Variants in HDAC4 observed in about 807,000 individuals in gnomAD.
HDAC4 encodes histone deacetylase A.
A neutral mutation model predicts 135.1 loss-of-function variants in HDAC4; 16 were observed. The ratio of observed to expected loss-of-function variants is 0.12; its 90% CI spans 0.08 to 0.18. HDAC4 has a LOEUF of 0.18. Among genes scored for constraint, HDAC4 ranks in the 10% least tolerant of loss-of-function variants. The pLI is 1.00. For missense variants in HDAC4, 1,143 were observed against 1,511.8 expected, an observed-to-expected ratio of 0.76 and a Z score of 4.05; for synonymous variants, 685 against 653.4, an observed-to-expected ratio of 1.05 and a Z score of -0.74.
intron 3 of HDAC4, among the ~76,000 whole-genome samples, chr2:239,204,837 A>C (rs538042038): frequency 3.3e-5 from 5 of 152,114 alleles, no homozygotes; most frequent in Admixed American, 1.3e-4. Context: ...GGGGCCTCTG[A>C]TGGCCCCTTC....
intron 1 of HDAC4, among the ~76,000 whole-genome samples, chr2:239,394,209 C>T (rs1696416135): frequency 6.6e-6 from 1 of 152,154 alleles, no homozygotes. Flanking sequence ...ATCAATCCAG[C>T]AAAAGCACTT....
chr2:239,377,133 G>T (rs1019030698), intron 1 of HDAC4, among the ~76,000 whole-genome samples: 3 of 152,124 alleles, frequency 2.0e-5, no homozygotes, highest in African/African-American at 4.8e-5. Flanking sequence ...AAGCCGGGGT[G>T]GGCTGCGCTC....
At chr2:239,182,817 G>C (rs934425632) in intron 4 of HDAC4, among the ~76,000 whole-genome samples, 1 of 152,198 alleles carries the variant, frequency 6.6e-6, no homozygotes, top group Non-Finnish European at 1.5e-5. Context: ...CACAAGGGAA[G>C]ATGGCCATTT....
intron 1 of HDAC4, among the ~76,000 whole-genome samples, chr2:239,360,653 G>C (rs551216211): frequency 6.6e-6 from 1 of 152,264 alleles, no homozygotes; most frequent in Admixed American, 6.5e-5. Context: ...AGCTCCACCT[G>C]GTCCCTTAGG....
chr2:239,108,188 G>T lies in HDAC4; in HGVS notation c.1979-5C>A. On this transcript the variant is annotated splice_polypyrimidine_tract_variant and splice_region_variant and intron_variant, in intron 14 of 26. Transcript: ENST00000543185. ...TCAGCGTGTCATACACGAGGCCTGGGGCGGGGCAGAGGGGCCAAGATCAGC... is the reference window on the plus strand; with the variant it reads ...TCAGCGTGTCATACACGAGGCCTGGTGCGGGGCAGAGGGGCCAAGATCAGC... 1 of 1,595,974 alleles carries T rather than the reference G, an allele frequency of 6.3e-7. No individual in the cohort carries two copies. The highest frequency in any genetic ancestry group is 8.5e-7 in the Non-Finnish European group (1 of 1,172,618).
chr2:239,221,238 T>A (rs985595123), intron 3 of HDAC4, among the ~76,000 whole-genome samples: 10 of 152,110 alleles, frequency 6.6e-5, no homozygotes, highest in Non-Finnish European at 1.3e-4. Flanking sequence ...ATCGGCCCGT[T>A]CTCTGACATA....
At chr2:239,337,561 T>G (rs974504429) in intron 2 of HDAC4, among the ~76,000 whole-genome samples, 1 of 152,232 alleles carries the variant, frequency 6.6e-6, no homozygotes, top group Non-Finnish European at 1.5e-5. Context: ...ATTATAGCGA[T>G]GAGCAACCGA....
At chr2:239,317,339 T>C (rs905100152) in intron 2 of HDAC4, among the ~76,000 whole-genome samples, 2 of 151,902 alleles carry the variant, frequency 1.3e-5, no homozygotes, top group Non-Finnish European at 2.9e-5. Flanking sequence ...CAGGGGCCGA[T>C]CTACACACAT....
chr2:239,292,144 G>A (rs754447704), intron 2 of HDAC4, among the ~76,000 whole-genome samples: 2 of 152,212 alleles, frequency 1.3e-5, no homozygotes, highest in Non-Finnish European at 1.5e-5. Flanking sequence ...GCAGGCAAGG[G>A]GACGGCCAGG....
intron 2 of HDAC4, among the ~76,000 whole-genome samples, chr2:239,266,751 C>T (rs2049755535): frequency 6.6e-6 from 1 of 151,578 alleles, no homozygotes; most frequent in African/African-American, 2.4e-5. Flanking sequence ...CCAAAGGGGA[C>T]TGTGAGCTTG....
chr2:239,305,459 C>G (rs2052526647), intron 2 of HDAC4: 1 of 152,654 alleles, frequency 6.6e-6, no homozygotes, highest in East Asian at 1.9e-4. Context: ...ATCTGTGAGC[C>G]CAACAGCGCC....
intron 1 of HDAC4, among the ~76,000 whole-genome samples, chr2:239,386,414 A>G (rs1695812619): frequency 1.3e-5 from 2 of 152,184 alleles, no homozygotes; most frequent in Admixed American, 1.3e-4. Flanking sequence ...GAGGAACCAC[A>G]TGACAGAGGT....
At position 239,176,514 on chromosome 2, in the gene HDAC4, T is replaced by C. The variant is rs778582931; in HGVS notation, c.389A>G (p.His130Arg). The C allele has an allele frequency of 6.2e-7, 1 of 1,613,516 alleles. No homozygotes were observed. The highest frequency in any genetic ancestry group is 1.3e-5 in the African/African-American group (1 of 75,032). The stretch of plus-strand genomic sequence containing the variant: ...GCGGTGCCTCTCCAGCTTCCGCTGG[T>C]GTTCCAGCAGCTCCTGCTGGTGCTT... ...AMKHQQELLE[H>R]QRKLERHRQE... is the part of the protein sequence containing the mutation. The change falls in exon 5 of 27, where the codon CAC becomes CGC. Residue 130 changes from histidine to arginine, a missense_variant. Physicochemically the swap from His to Arg is conservative, Grantham distance 29 (BLOSUM62 0). Coordinates refer to ENST00000543185, the MANE Select transcript of HDAC4 (RefSeq NM_001378414.1).
intron 3 of HDAC4, among the ~76,000 whole-genome samples, chr2:239,224,793 C>T (rs1024003529): frequency 3.3e-5 from 5 of 152,174 alleles, no homozygotes; most frequent in African/African-American, 1.2e-4. Flanking sequence ...AGAAATCCAC[C>T]CTCCTGAATC....
intron 1 of HDAC4, among the ~76,000 whole-genome samples, chr2:239,379,326 G>A (rs1379622656): frequency 6.6e-6 from 1 of 152,182 alleles, no homozygotes; most frequent in Admixed American, 6.5e-5. Context: ...AGACGCACCA[G>A]GCCGGTGCCA....
intron 14 of HDAC4, among the ~76,000 whole-genome samples, chr2:239,109,207 A>G (rs1304294664): frequency 6.6e-6 from 1 of 152,264 alleles, no homozygotes; most frequent in Non-Finnish European, 1.5e-5. Context: ...AGGGAAGGCC[A>G]GGCTGGGTGA....
chr2:239,295,403 C>T (rs759411612), intron 2 of HDAC4, among the ~76,000 whole-genome samples: 20 of 147,334 alleles, frequency 1.4e-4, no homozygotes, highest in Non-Finnish European at 2.4e-4. Flanking sequence ...AAGCTGGTTA[C>T]ATAAAAACCA....
At chr2:239,160,213 C>T (rs2042704183) in intron 6 of HDAC4, among the ~76,000 whole-genome samples, 1 of 152,146 alleles carries the variant, frequency 6.6e-6, no homozygotes, top group East Asian at 1.9e-4. Context: ...TCGATTAAAC[C>T]ATTATAAAAA....
chr2:239,071,135 G>T (rs1208596714), intron 22 of HDAC4, among the ~76,000 whole-genome samples: 1 of 151,760 alleles, frequency 6.6e-6, no homozygotes, highest in East Asian at 1.9e-4. Context: ...GGAGGGAGGG[G>T]TGCTGGGCAC....
Sources: gnomAD v4.1 joint callset for allele counts (sites outside exome capture counted in the v4.1 genomes callset) on GRCh38, gnomAD v4.1.1 for gene constraint, MANE v1.5 for transcripts, NCBI Gene and HGNC (gene_info 2026-07-23, HGNC 2026-07-21) for gene names.